Variants in EXOC5 observed in about 807,000 individuals in gnomAD.
EXOC5 encodes the protein exocyst complex component 5.
EXOC5 carries 17 observed loss-of-function variants against 90.8 expected under a neutral mutation model. That is an observed-to-expected ratio of 0.19 (90% CI 0.13 to 0.28). The LOEUF (loss-of-function observed/expected upper bound fraction) is 0.28, where lower values mean the gene tolerates loss of function less well. EXOC5 is among the 10% of genes least tolerant of loss of function. The probability of loss-of-function intolerance (pLI) is 1.00; values close to 1 mark genes in which losing one functional copy is unlikely to be tolerated. For missense variants in EXOC5, 569 were observed against 830.6 expected, an observed-to-expected ratio of 0.69 and a Z score of 3.87; for synonymous variants, 260 against 270.0, an observed-to-expected ratio of 0.96 and a Z score of 0.36.
intron 15 of EXOC5, among the ~76,000 whole-genome samples, chr14:57,213,532 C>T (rs996770135): frequency 3.3e-5 from 5 of 151,774 alleles, no homozygotes; most frequent in East Asian, 2.0e-4. Context: ...CTCAGCCTCC[C>T]GAGTAGCTGG....
rs972177115 is a variant in EXOC5 at position 57,204,888 on chromosome 14, A to G, written c.*3721T>C. 8 of 152,290 alleles carry G rather than the reference A, an allele frequency of 5.3e-5. No homozygotes were observed. Among genetic ancestry groups the G allele is most frequent in the Non-Finnish European group, 7.4e-5 (5 of 67,912 alleles). The allele number at this position is 152,290 out of a possible 1,614,324, so 9.4% of individuals were successfully genotyped here. A position where few individuals can be genotyped will look rare whatever the true frequency, so the allele number is the denominator to read the frequency against. Reference sequence around the variant, plus strand: ...ATACTACAATAAGAATCATATTGGAAGCAACGATTAAGCAAAACTAATGAA... The same window carrying G: ...ATACTACAATAAGAATCATATTGGAGGCAACGATTAAGCAAAACTAATGAA... On this transcript the variant is annotated 3_prime_UTR_variant, in exon 18 of 18. Coordinates refer to ENST00000621441, the MANE Select transcript of EXOC5 (RefSeq NM_006544.4).
At chr14:57,255,300 T>C (rs1566505465) in intron 1 of EXOC5, among the ~76,000 whole-genome samples, 1 of 152,140 alleles carries the variant, frequency 6.6e-6, no homozygotes, top group African/African-American at 2.4e-5. Flanking sequence ...ACTGGGCCCT[T>C]TCTACCCTAG....
At chr14:57,223,879 C>T (rs1179902240) in intron 12 of EXOC5, among the ~76,000 whole-genome samples, 2 of 151,906 alleles carry the variant, frequency 1.3e-5, no homozygotes, top group South Asian at 2.1e-4. Context: ...CTGACCACAA[C>T]GGAATCAAAT....
At chr14:57,261,213 A>G (rs1884494556) in intron 1 of EXOC5, among the ~76,000 whole-genome samples, 1 of 152,212 alleles carries the variant, frequency 6.6e-6, no homozygotes, top group Non-Finnish European at 1.5e-5. Context: ...ACGGTGTTAC[A>G]TGAAATTGCA....
chr14:57,219,587 A>C (rs1883068101), intron 13 of EXOC5, 145 bp from the exon 14 acceptor site: 1 of 660,134 alleles, frequency 1.5e-6, no homozygotes, highest in Non-Finnish European at 2.5e-6. Flanking sequence ...TTCTGTGGAC[A>C]GAAGAGGAAA....
chr14:57,204,114 C>CT lies in EXOC5; in HGVS notation c.*4494dup, dbSNP rs1036287801. ...TGGGCGAGTGTGTTTAATTACTCAT[C>CT]TTTCCCCCCAAAAGTCGATAATCAC... On this transcript the variant is annotated 3_prime_UTR_variant, in exon 18 of 18. Coordinates refer to ENST00000621441, the MANE Select transcript of EXOC5 (RefSeq NM_006544.4). 1 of 152,172 alleles carries CT rather than the reference C, an allele frequency of 6.6e-6. No individual in the cohort carries two copies. Among genetic ancestry groups the CT allele is most frequent in the African/African-American group, 2.4e-5 (1 of 41,446 alleles). The allele number at this position is 152,172 out of a possible 1,614,324, so 9.4% of individuals were successfully genotyped here.
intron 1 of EXOC5, among the ~76,000 whole-genome samples, chr14:57,247,935 T>C (rs1277719825): frequency 6.6e-6 from 1 of 152,006 alleles, no homozygotes; most frequent in Non-Finnish European, 1.5e-5. Flanking sequence ...ACTAGAACAG[T>C]ATTAATGACC....
Position 57,206,744 on chromosome 14 carries a change from T to A in EXOC5, c.*1865A>T, listed in dbSNP as rs1165630600. The A allele has an allele frequency of 6.6e-6, 1 of 152,466 alleles. No individual in the cohort carries two copies. Among genetic ancestry groups the A allele is most frequent in the Non-Finnish European group, 1.5e-5 (1 of 67,920 alleles). The allele number at this position is 152,466 out of a possible 1,614,324, so 9.4% of individuals were successfully genotyped here. A position where few individuals can be genotyped will look rare whatever the true frequency, so the allele number is the denominator to read the frequency against. The stretch of plus-strand genomic sequence containing the variant: ...ATAAACAAAATAACTAAGCAACAAG[T>A]ATATGCTTTACATTTTAAAAATTAA... On this transcript the variant is annotated 3_prime_UTR_variant, in exon 18 of 18. Transcript: ENST00000621441.
chr14:57,217,781 T>C (rs756934285), intron 15 of EXOC5, among the ~76,000 whole-genome samples: 6 of 152,118 alleles, frequency 3.9e-5, no homozygotes, highest in Admixed American at 3.3e-4. Context: ...AATGCCAAGA[T>C]AGTCCAAAGT....
At chr14:57,214,457 T>C (rs548478272) in intron 15 of EXOC5, among the ~76,000 whole-genome samples, 63 of 152,156 alleles carry the variant, frequency 4.1e-4, no homozygotes, top group Non-Finnish European at 7.8e-4. Flanking sequence ...GGGTGCTGAA[T>C]GTGTACAGAA....
At chr14:57,264,844 A>G (rs1024266406) in intron 1 of EXOC5, among the ~76,000 whole-genome samples, 4 of 152,080 alleles carry the variant, frequency 2.6e-5, no homozygotes, top group Admixed American at 6.6e-5. Flanking sequence ...ACCATTTATA[A>G]CCTTATTTTT....
rs1339834645 is a variant in EXOC5, at chr14:57,201,309, G to A, written c.*7300C>T. The A allele has an allele frequency of 6.6e-6, 1 of 151,424 alleles. No individual in the cohort carries two copies. Among genetic ancestry groups the A allele is most frequent in the Non-Finnish European group, 1.5e-5 (1 of 67,890 alleles). 9.4% of individuals were successfully genotyped at this position (151,424 alleles called of 1,614,324 possible). ...ACGACACAGGAGACAACCTGAAGAG[G>A]CTACTTCTGACCAAATTTGGGATAA... On this transcript the variant is annotated 3_prime_UTR_variant, in exon 18 of 18. Transcript: ENST00000621441.
At chr14:57,231,854 T>C in intron 10 of EXOC5, 139 bp from the exon 11 acceptor site, 2 of 604,902 alleles carry the variant, frequency 3.3e-6, no homozygotes, top group South Asian at 2.1e-5. Context: ...AGAGTACTTA[T>C]GATGCAGAGA....
At chr14:57,267,964 T>C (rs1161801029) in intron 1 of EXOC5, among the ~76,000 whole-genome samples, 1 of 151,996 alleles carries the variant, frequency 6.6e-6, no homozygotes, top group Non-Finnish European at 1.5e-5. Context: ...ATGCCTCGAG[T>C]GTATTATTAT....
At chr14:57,236,222 T>C (rs1403147183) in intron 6 of EXOC5, among the ~76,000 whole-genome samples, 2 of 151,858 alleles carry the variant, frequency 1.3e-5, no homozygotes, top group Admixed American at 6.6e-5. Context: ...AGAACAATAG[T>C]GGACTGATGA....
Position 57,249,413 on chromosome 14 carries a change from C to A in EXOC5, c.28-1701G>T, listed in dbSNP as rs149176970. Reference sequence around the variant, plus strand: ...ATAGTTTTCAATTAAACACGTTATACTGTTCATCAATTTTAATATATTTTT... The same window carrying A: ...ATAGTTTTCAATTAAACACGTTATAATGTTCATCAATTTTAATATATTTTT... On this transcript the variant is annotated intron_variant, in intron 1 of 17. Coordinates refer to ENST00000621441, the MANE Select transcript of EXOC5 (RefSeq NM_006544.4). 2.3e-3 allele frequency among the ~76,000 whole-genome samples: 328 copies of A among 143,204 alleles called. 2 individuals carry two copies. Among genetic ancestry groups the A allele is most frequent in the African/African-American group, 9.4e-3 (310 of 32,894 alleles). The allele number at this position is 143,204 out of a possible 152,430, so 93.9% of individuals were successfully genotyped here.
chr14:57,246,687 C>T, intron 3 of EXOC5, 24 bp downstream of exon 3: 1 of 1,591,528 alleles, frequency 6.3e-7, no homozygotes, highest in Non-Finnish European at 8.6e-7. Context: ...ATATAAAATA[C>T]CCATTTCTTA....
intron 1 of EXOC5, among the ~76,000 whole-genome samples, chr14:57,255,420 C>A (rs1884322168): frequency 2.0e-5 from 3 of 152,088 alleles, no homozygotes; most frequent in Admixed American, 1.3e-4. Flanking sequence ...CCATATCACA[C>A]CAAAGGACCC....
chr14:57,221,164 C>G lies in EXOC5; in HGVS notation c.1405+1144G>C, dbSNP rs1253185301. ...GAGAAGATAACATCTTAGTTGAGAT[C>G]AGATGATTGAAAAGCCAGCCATGAG... On this transcript the variant is annotated intron_variant, in intron 13 of 17. Coordinates refer to ENST00000621441, the MANE Select transcript of EXOC5 (RefSeq NM_006544.4). Among the ~76,000 whole-genome samples the G allele has an allele frequency of 2.6e-5, 4 of 152,088 alleles. No homozygotes were observed. In the East Asian group the frequency reaches 7.7e-4, roughly 29 times the overall value.
Sources: allele counts gnomAD v4.1 joint callset (sites outside exome capture counted in the v4.1 genomes callset), GRCh38; gene constraint gnomAD v4.1.1; transcripts MANE v1.5; gene names NCBI Gene and HGNC (gene_info 2026-07-23, HGNC 2026-07-21).